The following MACROD2 variants were observed in gnomAD, a reference collection of about 807,000 sequenced individuals.
The protein encoded by MACROD2 is ADP-ribose glycohydrolase MACROD2.
Under a neutral mutation model 70.4 loss-of-function variants are expected in MACROD2, and 36 were observed. The ratio of observed to expected loss-of-function variants is 0.51; its 90% CI spans 0.39 to 0.68. MACROD2 has a LOEUF of 0.68. Ranked by LOEUF, MACROD2 falls within the 30% of genes least tolerant of loss-of-function variation. The probability of loss-of-function intolerance (pLI) is 0.00; values close to 1 mark genes in which losing one functional copy is unlikely to be tolerated. For synonymous variants in MACROD2, 172 were observed against 178.8 expected, an observed-to-expected ratio of 0.96 and a Z score of 0.30; for missense variants, 496 against 538.4, an observed-to-expected ratio of 0.92 and a Z score of 0.78.
chr20:14,483,101 G>C (rs1030099100), intron 3 of MACROD2, among the ~76,000 whole-genome samples: 1 of 152,150 alleles, frequency 6.6e-6, no homozygotes, highest in African/African-American at 2.4e-5. Flanking sequence ...AGGATTCGGG[G>C]TATAAATGTA....
At chr20:15,380,122 C>G (rs183105544) in intron 6 of MACROD2, among the ~76,000 whole-genome samples, 1 of 152,188 alleles carries the variant, frequency 6.6e-6, no homozygotes, top group East Asian at 1.9e-4. Flanking sequence ...GAGAGATCTT[C>G]TCTGACAACA....
At chr20:14,698,716 G>A (rs2071155493) in intron 5 of MACROD2, among the ~76,000 whole-genome samples, 1 of 150,508 alleles carries the variant, frequency 6.6e-6, no homozygotes, top group African/African-American at 2.4e-5. Flanking sequence ...CTGTGAATGA[G>A]CAAATATGTG....
At chr20:14,272,920 G>T (rs2122362456) in intron 3 of MACROD2, among the ~76,000 whole-genome samples, 1 of 152,072 alleles carries the variant, frequency 6.6e-6, no homozygotes, top group South Asian at 2.1e-4. Flanking sequence ...ATGGTAAAGG[G>T]ATCAATTCAA....
chr20:14,340,304 G>A (rs1454122019), intron 3 of MACROD2, among the ~76,000 whole-genome samples: 1 of 152,152 alleles, frequency 6.6e-6, no homozygotes, highest in African/African-American at 2.4e-5. Context: ...TGTTGGCTTT[G>A]CCACATGACT....
rs182307536 is a variant in MACROD2 at position 15,165,110 on chromosome 20, A to C, written c.419-64830A>C. ...TATATATATAATAGGAGTGAAAATTAAAATATAAATGAAAACAAGCGACAA... is the reference window on the plus strand; with the variant it reads ...TATATATATAATAGGAGTGAAAATTCAAATATAAATGAAAACAAGCGACAA... On this transcript the variant is annotated intron_variant, in intron 5 of 17. Transcript: ENST00000684519. 1.6e-3 allele frequency among the ~76,000 whole-genome samples: 244 copies of C among 152,282 alleles called. 2 individuals carry two copies. The highest frequency in any genetic ancestry group is 1.1e-3 in the Admixed American group (17 of 15,280).
At chr20:15,114,251 T>C (rs1387319242) in intron 5 of MACROD2, among the ~76,000 whole-genome samples, 5 of 152,196 alleles carry the variant, frequency 3.3e-5, no homozygotes, top group African/African-American at 4.8e-5. Flanking sequence ...GGCTCTTTTG[T>C]AGTCCCCTCC....
At chr20:14,872,227 G>A (rs1484568438) in intron 5 of MACROD2, among the ~76,000 whole-genome samples, 1 of 152,158 alleles carries the variant, frequency 6.6e-6, no homozygotes, top group East Asian at 1.9e-4. Context: ...TTCTGCAGTT[G>A]TTGTGAGCAT....
chr20:15,202,436 G>C (rs1358670718), intron 5 of MACROD2, among the ~76,000 whole-genome samples: 1 of 152,126 alleles, frequency 6.6e-6, no homozygotes, highest in Admixed American at 6.5e-5. Context: ...TTCTTTAGCT[G>C]CCTGGAAGCT....
At chr20:14,681,528 A>G (rs1340790349) in intron 4 of MACROD2, among the ~76,000 whole-genome samples, 1 of 152,190 alleles carries the variant, frequency 6.6e-6, no homozygotes, top group African/African-American at 2.4e-5. Flanking sequence ...TTGAAGTTAT[A>G]TAGCAGGTAA....
intron 5 of MACROD2, among the ~76,000 whole-genome samples, chr20:15,084,852 G>T (rs1489032497): frequency 6.6e-6 from 1 of 152,112 alleles, no homozygotes; most frequent in Non-Finnish European, 1.5e-5. Context: ...CCTTCAAATT[G>T]ACCTACAGAT....
chr20:15,736,756 C>T (rs990475394), intron 8 of MACROD2, among the ~76,000 whole-genome samples: 1 of 152,160 alleles, frequency 6.6e-6, no homozygotes, highest in South Asian at 2.1e-4. Context: ...GGGCTCTGCA[C>T]ATACTGAGGG....
At chr20:14,336,782 T>C (rs1404207996) in intron 3 of MACROD2, among the ~76,000 whole-genome samples, 2 of 152,124 alleles carry the variant, frequency 1.3e-5, no homozygotes, top group Admixed American at 6.6e-5. Flanking sequence ...GAAGAGTGTC[T>C]CCCCCTCCTC....
chr20:14,350,897 C>G (rs1347363384), intron 3 of MACROD2, among the ~76,000 whole-genome samples: 1 of 152,164 alleles, frequency 6.6e-6, no homozygotes, highest in Non-Finnish European at 1.5e-5. Context: ...AGATTTCAAT[C>G]TTCAATCCAT....
At chr20:14,960,460 G>C (rs1007614129) in intron 5 of MACROD2, among the ~76,000 whole-genome samples, 1 of 152,120 alleles carries the variant, frequency 6.6e-6, no homozygotes, top group Non-Finnish European at 1.5e-5. Flanking sequence ...CCCTTGCCTG[G>C]TCAGCTTCCA....
At chr20:15,050,745 G>A (rs1198224469) in intron 5 of MACROD2, among the ~76,000 whole-genome samples, 1 of 150,210 alleles carries the variant, frequency 6.7e-6, no homozygotes, top group African/African-American at 2.4e-5. Flanking sequence ...TTTAAGCCTA[G>A]GTTGCTTTAA....
chr20:14,893,510 TTG>T (rs1422455300), intron 5 of MACROD2: 1 of 152,192 alleles, frequency 6.6e-6, no homozygotes, highest in African/African-American at 2.4e-5. Flanking sequence ...TTAAAAAAAC[TTG>T]TTTCTTCAGA....
intron 15 of MACROD2, among the ~76,000 whole-genome samples, chr20:16,028,528 A>G (rs1028952594): frequency 1.3e-5 from 2 of 152,168 alleles, no homozygotes; most frequent in Non-Finnish European, 2.9e-5. Context: ...AAGTATTTCT[A>G]TATATCAGGA....
chr20:15,999,673 A>G (rs948399760), intron 15 of MACROD2, among the ~76,000 whole-genome samples: 2 of 152,242 alleles, frequency 1.3e-5, no homozygotes, highest in African/African-American at 4.8e-5. Context: ...GGATAAATAC[A>G]TACAATTGTA....
intron 5 of MACROD2, among the ~76,000 whole-genome samples, chr20:15,125,202 A>G (rs555564286): frequency 7.9e-5 from 12 of 152,118 alleles, no homozygotes; most frequent in South Asian, 2.1e-4. Flanking sequence ...GCATGGCACT[A>G]TGAAAGACTA....
Sources: gnomAD v4.1 joint callset for allele counts (sites outside exome capture counted in the v4.1 genomes callset) on GRCh38, gnomAD v4.1.1 for gene constraint, MANE v1.5 for transcripts, NCBI Gene and HGNC (gene_info 2026-07-23, HGNC 2026-07-21) for gene names.